The following ZDHHC14 variants were observed in gnomAD, a reference collection of about 807,000 sequenced individuals.
ZDHHC14 encodes the protein zDHHC palmitoyltransferase 14, also known as palmitoyltransferase ZDHHC14.
In ZDHHC14, 16 loss-of-function variants were observed where a neutral mutation model predicts 47.7. That is an observed-to-expected ratio of 0.34 (90% CI 0.23 to 0.51). The LOEUF (loss-of-function observed/expected upper bound fraction) is 0.51. Ranked by LOEUF, ZDHHC14 falls within the 20% of genes least tolerant of loss-of-function variation. The probability of loss-of-function intolerance (pLI) is 0.97; values close to 1 mark genes in which losing one functional copy is unlikely to be tolerated. For synonymous variants in ZDHHC14, 293 were observed against 278.9 expected, an observed-to-expected ratio of 1.05 and a Z score of -0.50; for missense variants, 515 against 662.5, an observed-to-expected ratio of 0.78 and a Z score of 2.44.
intron 2 of ZDHHC14, among the ~76,000 whole-genome samples, chr6:157,590,582 A>C (rs1783870926): frequency 6.6e-6 from 1 of 152,246 alleles, no homozygotes; most frequent in South Asian, 2.1e-4. Flanking sequence ...GGATGTATGG[A>C]AATGCCTGGA....
chr6:157,520,432 T>C (rs1376146633), intron 1 of ZDHHC14, among the ~76,000 whole-genome samples: 3 of 152,190 alleles, frequency 2.0e-5, no homozygotes, highest in Admixed American at 2.0e-4. Context: ...TTGAGACTGG[T>C]GTTTCCAAAA....
chr6:157,625,556 G>A (rs1785374340), intron 3 of ZDHHC14, among the ~76,000 whole-genome samples: 1 of 152,094 alleles, frequency 6.6e-6, no homozygotes. Context: ...TCAGATGTTG[G>A]GCAGAGAGGA....
intron 4 of ZDHHC14, 66 bp from the exon 5 acceptor site, chr6:157,632,768 A>G: frequency 7.0e-7 from 1 of 1,432,596 alleles, no homozygotes; most frequent in Non-Finnish European, 9.9e-7. Context: ...TTTTTTGTAG[A>G]TGAGAGAGCA....
At chr6:157,523,391 T>C (rs752850004) in intron 1 of ZDHHC14, among the ~76,000 whole-genome samples, 1 of 152,156 alleles carries the variant, frequency 6.6e-6, no homozygotes, top group African/African-American at 2.4e-5. Context: ...CTATTGACTT[T>C]TTGTTTTCCT....
chr6:157,440,787 A>G (rs975621389), intron 1 of ZDHHC14, among the ~76,000 whole-genome samples: 1 of 152,234 alleles, frequency 6.6e-6, no homozygotes, highest in Admixed American at 6.5e-5. Flanking sequence ...AACAGGTGCT[A>G]AGTGAAAGAA....
intron 1 of ZDHHC14, among the ~76,000 whole-genome samples, chr6:157,414,578 GCTGCAGCTGCTGCCAGAGACTTT>G (rs1223213903): frequency 3.6e-4 from 55 of 152,286 alleles, no homozygotes; most frequent in African/African-American, 1.3e-3. Flanking sequence ...ATCTCTATGG[GCTGCAGCTGCTGCCAGAGACTTT>G]CATCCAGGCC....
At chr6:157,414,209 C>G (rs548365598) in intron 1 of ZDHHC14, among the ~76,000 whole-genome samples, 1 of 152,182 alleles carries the variant, frequency 6.6e-6, no homozygotes, top group Non-Finnish European at 1.5e-5. Context: ...CAGGCGTGCA[C>G]CACCATGCGC....
intron 7 of ZDHHC14, among the ~76,000 whole-genome samples, chr6:157,651,507 G>A (rs771690149): frequency 2.0e-5 from 3 of 152,140 alleles, no homozygotes; most frequent in Admixed American, 6.5e-5. Context: ...GGTCACACTC[G>A]CAGGTACCAG....
intron 3 of ZDHHC14, among the ~76,000 whole-genome samples, chr6:157,601,697 C>T (rs935085069): frequency 3.3e-5 from 5 of 152,190 alleles, no homozygotes; most frequent in African/African-American, 9.7e-5. Flanking sequence ...GAAACATGCA[C>T]TATTTGATAT....
At chr6:157,436,587 G>A (rs1434125021) in intron 1 of ZDHHC14, among the ~76,000 whole-genome samples, 11 of 139,100 alleles carry the variant, frequency 7.9e-5, no homozygotes, top group Non-Finnish European at 1.4e-4. Context: ...TGGGGGAGGG[G>A]GGGCGGGTAA....
At chr6:157,670,960 A>G (rs554045478) in intron 8 of ZDHHC14, among the ~76,000 whole-genome samples, 1 of 152,272 alleles carries the variant, frequency 6.6e-6, no homozygotes, top group East Asian at 1.9e-4. Context: ...TGTGCACTGC[A>G]TGAAATAAGT....
chr6:157,593,357 C>A (rs571194371), intron 3 of ZDHHC14, among the ~76,000 whole-genome samples: 1 of 152,336 alleles, frequency 6.6e-6, no homozygotes, highest in African/African-American at 2.4e-5. Context: ...GAGGGCCTCC[C>A]CCAGCACAGG....
rs1480234053 is a variant in ZDHHC14 at position 157,632,863 on chromosome 6, C to G, written c.733C>G (p.Leu245Val). Residue 245 changes from leucine to valine, a missense_variant, in exon 5 of 9, where the codon CTT (leucine) becomes GTT (valine). Coordinates refer to ENST00000359775, the MANE Select transcript of ZDHHC14 (RefSeq NM_024630.3). ...RSQQTGFLNA[L>V]KDSPASVLEA... The stretch of plus-strand genomic sequence containing the variant: ...ACAGCAAACAGGATTCCTAAATGCC[C>G]TTAAGGACAGTCCTGCAAGATATCC... The G allele has an allele frequency of 6.2e-7, 1 of 1,614,176 alleles. No homozygotes were observed. The highest frequency in any genetic ancestry group is 1.1e-5 in the South Asian group (1 of 91,080).
chr6:157,495,590 C>T (rs574578476), intron 1 of ZDHHC14, among the ~76,000 whole-genome samples: 1 of 150,426 alleles, frequency 6.6e-6, no homozygotes, highest in South Asian at 2.1e-4. Context: ...GGGTACATGA[C>T]ATTTCATCAG....
intron 1 of ZDHHC14, among the ~76,000 whole-genome samples, chr6:157,524,450 T>A (rs554427702): frequency 2.0e-4 from 30 of 152,356 alleles, no homozygotes; most frequent in Admixed American, 5.2e-4. Context: ...CAATTTTTTT[T>A]AATAGATACT....
intron 3 of ZDHHC14, among the ~76,000 whole-genome samples, chr6:157,614,545 T>C (rs1161721829): frequency 6.6e-6 from 1 of 152,188 alleles, no homozygotes; most frequent in East Asian, 1.9e-4. Context: ...AAATCACAAC[T>C]TCCTCACTGT....
intron 2 of ZDHHC14, among the ~76,000 whole-genome samples, chr6:157,564,620 A>G (rs1236100294): frequency 1.3e-5 from 2 of 152,240 alleles, no homozygotes; most frequent in Admixed American, 6.5e-5. Context: ...GTCAAAATCT[A>G]GACCAAACTG....
At chr6:157,516,976 C>T (rs1780715245) in intron 1 of ZDHHC14, among the ~76,000 whole-genome samples, 1 of 152,152 alleles carries the variant, frequency 6.6e-6, no homozygotes, top group Admixed American at 6.5e-5. Flanking sequence ...GCTCTAGCAA[C>T]ATGGCAAGAG....
intron 1 of ZDHHC14, among the ~76,000 whole-genome samples, chr6:157,494,281 C>T (rs938451276): frequency 6.6e-6 from 1 of 152,220 alleles, no homozygotes; most frequent in Non-Finnish European, 1.5e-5. Context: ...CTGTTTGACA[C>T]AAAGATGGGA....
Sources: allele counts gnomAD v4.1 joint callset (sites outside exome capture counted in the v4.1 genomes callset), GRCh38; gene constraint gnomAD v4.1.1; transcripts MANE v1.5; gene names NCBI Gene and HGNC (gene_info 2026-07-23, HGNC 2026-07-21).